PCDHGA10: variants seen among roughly 807,000 people sequenced by gnomAD.
PCDHGA10 encodes the protein protocadherin gamma-A10.
In PCDHGA10, 42 loss-of-function variants were observed where a neutral mutation model predicts 59.5. That is an observed-to-expected ratio of 0.71 (90% CI 0.55 to 0.91). The LOEUF is 0.91. Ranked by LOEUF, PCDHGA10 falls within the 40% of genes least tolerant of loss-of-function variation. The probability of loss-of-function intolerance (pLI) is 0.00; values close to 1 mark genes in which losing one functional copy is unlikely to be tolerated. For synonymous variants in PCDHGA10, 511 were observed against 517.2 expected (o/e 0.99, Z 0.16); for missense variants, 1,111 against 1,198.2 (o/e 0.93, Z 1.07).
Position 141,476,072 on chromosome 5 carries a change from C to A in PCDHGA10, c.2437-18735C>A. 1.3e-6 allele frequency: 2 copies of A among 1,523,462 alleles called. No individual in the cohort carries two copies. The highest frequency in any genetic ancestry group is 1.3e-5 in the South Asian group (1 of 77,998). 94.4% of individuals were successfully genotyped at this position (1,523,462 alleles called of 1,614,324 possible). The stretch of plus-strand genomic sequence containing the variant: ...CGCTGAAAGTTTCTCAGCGAAATCT[C>A]AGGGACGATCTGGACCCCGCTGAGA... On this transcript the variant is annotated intron_variant, in intron 1 of 3. Coordinates refer to ENST00000398610, the MANE Select transcript of PCDHGA10 (RefSeq NM_018913.3). The surrounding 1 kb of genome is among the most constrained non-coding windows in gnomAD (Gnocchi z 7.6).
At chr5:141,441,494 ACCAGG>A (rs1325946941) in intron 1 of PCDHGA10, 1 of 170,360 alleles carries the variant, frequency 5.9e-6, no homozygotes, top group Non-Finnish European at 1.3e-5. Flanking sequence ...CTGGTTTTCT[ACCAGG>A]CCTCCTACGT....
intron 1 of PCDHGA10, 132 bp downstream of exon 1, chr5:141,415,743 T>G (rs1317934891): frequency 9.6e-6 from 3 of 311,420 alleles, no homozygotes; most frequent in Non-Finnish European, 1.2e-5. Context: ...TATTAAGGTT[T>G]TTTTTTTTTT....
chr5:141,422,115 T>C, intron 1 of PCDHGA10: 1 of 1,605,004 alleles, frequency 6.2e-7, no homozygotes, highest in South Asian at 1.1e-5. Context: ...TCCAATTGGA[T>C]TCACAAACTG....
In PCDHGA10 at chr5:141,491,561, A is replaced by G. The variant is rs1289732955; in HGVS notation, c.2437-3246A>G. ...CCCACAGACTCGCAGAGCCACTGCT[A>G]CAGGACGTGCTTTTCACCGGCCTCG... On this transcript the variant is annotated intron_variant, in intron 1 of 3. Transcript: ENST00000398610. The surrounding 1 kb of genome is among the most constrained non-coding windows in gnomAD (Gnocchi z 6.9). The G allele has an allele frequency of 6.2e-7, 1 of 1,613,938 alleles. No homozygotes were observed. Among genetic ancestry groups the G allele is most frequent in the Non-Finnish European group, 8.5e-7 (1 of 1,180,018 alleles).
At chr5:141,445,963 A>G (rs2098483291) in intron 1 of PCDHGA10, among the ~76,000 whole-genome samples, 2 of 152,342 alleles carry the variant, frequency 1.3e-5, no homozygotes, top group South Asian at 2.1e-4. Flanking sequence ...TATATGGAGA[A>G]TTGATTTATG....
intron 1 of PCDHGA10, chr5:141,422,195 A>G: frequency 6.4e-7 from 1 of 1,562,278 alleles, no homozygotes; most frequent in African/African-American, 1.4e-5. Flanking sequence ...ATTCAAGGCC[A>G]AGATGGTGGA....
rs1225473275 is a variant in PCDHGA10 at position 141,512,442 on chromosome 5, TC to T, written c.*1271del. ...GGCCCCTGCCCTCCTGAAGCCTCAG[TC>T]CTTCACCTTGCCAGGTGCCGTTTCT... is the stretch of plus-strand genomic sequence containing the variant. On this transcript the variant is annotated 3_prime_UTR_variant, in exon 4 of 4. Transcript: ENST00000398610. 1 of 152,892 alleles carries T rather than the reference TC, an allele frequency of 6.5e-6. No individual in the cohort carries two copies. Among genetic ancestry groups the T allele is most frequent in the African/African-American group, 2.4e-5 (1 of 41,466 alleles). 9.5% of individuals were successfully genotyped at this position (152,892 alleles called of 1,614,324 possible).
intron 2 of PCDHGA10, 160 bp from the exon 3 acceptor site, chr5:141,505,233 C>T: frequency 1.1e-6 from 1 of 872,838 alleles, no homozygotes; most frequent in Non-Finnish European, 1.4e-6. Context: ...ATTCTGGCTT[C>T]TGAAGGATTG....
In PCDHGA10 at chr5:141,423,241, G is replaced by T. The variant is rs1485226833; in HGVS notation, c.2436+7630G>T. The T allele has an allele frequency of 6.8e-6, 11 of 1,613,836 alleles. No individual in the cohort carries two copies. The Admixed American group carries it at 1.5e-4, about 22-fold the overall frequency. On this transcript the variant is annotated intron_variant, in intron 1 of 3. Transcript: ENST00000398610. ...GGCTGTGGCCGACAGCATCCCCGAAGTCCTGGCGGACCTCGGCAGCCTCGA... is the reference window on the plus strand; with the variant it reads ...GGCTGTGGCCGACAGCATCCCCGAATTCCTGGCGGACCTCGGCAGCCTCGA...
At chr5:141,456,593 G>C (rs917316601) in intron 1 of PCDHGA10, among the ~76,000 whole-genome samples, 2 of 152,168 alleles carry the variant, frequency 1.3e-5, no homozygotes, top group African/African-American at 4.8e-5. Flanking sequence ...CAATAATTTT[G>C]ATTTGATTTT....
chr5:141,478,097 A>G lies in PCDHGA10; in HGVS notation c.2437-16710A>G, dbSNP rs757796085. Reference sequence around the variant, plus strand: ...GGAGCCTTCGCTCTCCACCACTGCTACCCTCACTGTGTCAGTAACCGAGGA... The same window carrying G: ...GGAGCCTTCGCTCTCCACCACTGCTGCCCTCACTGTGTCAGTAACCGAGGA... On this transcript the variant is annotated intron_variant, in intron 1 of 3. Transcript: ENST00000398610. 9.9e-6 allele frequency: 16 copies of G among 1,613,666 alleles called. No homozygotes were observed. Among genetic ancestry groups the G allele is most frequent in the Admixed American group, 1.7e-5 (1 of 59,970 alleles).
intron 1 of PCDHGA10, among the ~76,000 whole-genome samples, chr5:141,450,726 A>G (rs1302961852): frequency 2.0e-5 from 3 of 151,932 alleles, no homozygotes; most frequent in Admixed American, 2.0e-4. Flanking sequence ...ACCTCAGGTG[A>G]TCCGCCCGCC....
At chr5:141,422,872 C>T (rs773469060) in intron 1 of PCDHGA10, 19 of 1,614,134 alleles carry the variant, frequency 1.2e-5, no homozygotes, top group African/African-American at 2.7e-5. Flanking sequence ...CAACGTGTCG[C>T]TGAGCCTGTT....
chr5:141,417,550 A>G, intron 1 of PCDHGA10: 1 of 326,094 alleles, frequency 3.1e-6, no homozygotes, highest in Non-Finnish European at 5.5e-6. Flanking sequence ...ATTCCTTGAA[A>G]GAGGTAGAGA....
chr5:141,455,577 C>T (rs1000865176), intron 1 of PCDHGA10, among the ~76,000 whole-genome samples: 3 of 152,120 alleles, frequency 2.0e-5, no homozygotes, highest in East Asian at 1.9e-4. Context: ...CCCACCCCAG[C>T]CTTTTAATAT....
chr5:141,433,460 T>C (rs892333304), intron 1 of PCDHGA10, among the ~76,000 whole-genome samples: 1 of 152,064 alleles, frequency 6.6e-6, no homozygotes, highest in Non-Finnish European at 1.5e-5. Context: ...GATCTGAAAC[T>C]TGGGCTCAGG....
intron 1 of PCDHGA10, chr5:141,427,328 T>G (rs951396612): frequency 1.6e-4 from 74 of 457,122 alleles, no homozygotes; most frequent in Admixed American, 1.2e-3. Context: ...TGGTTTTTAC[T>G]TCAGTGTCCA....
intron 1 of PCDHGA10, among the ~76,000 whole-genome samples, chr5:141,455,204 T>G (rs1173402170): frequency 6.6e-6 from 1 of 152,052 alleles, no homozygotes; most frequent in Admixed American, 6.6e-5. Context: ...TTACAACCAA[T>G]AAGAGTTTTT....
At position 141,485,789 on chromosome 5, in the gene PCDHGA10, T is replaced by G. The variant is rs1276069810; in HGVS notation, c.2437-9018T>G. The G allele has an allele frequency of 1.2e-6, 2 of 1,613,978 alleles. No individual in the cohort carries two copies. The highest frequency in any genetic ancestry group is 1.7e-6 in the Non-Finnish European group (2 of 1,180,030). On this transcript the variant is annotated intron_variant, in intron 1 of 3. Coordinates refer to ENST00000398610, the MANE Select transcript of PCDHGA10 (RefSeq NM_018913.3). This position sits in a 1 kb window ranked among gnomAD's most constrained non-coding sequence, Gnocchi z 5.7. ...GAAGCCTTTGGATCGAGAGAAGCAATCGGACTACCGCCTGGTGCTGACTGC... is the reference window on the plus strand; with the variant it reads ...GAAGCCTTTGGATCGAGAGAAGCAAGCGGACTACCGCCTGGTGCTGACTGC...
Sources: allele counts gnomAD v4.1 joint callset (sites outside exome capture counted in the v4.1 genomes callset), GRCh38; gene constraint gnomAD v4.1.1; non-coding constraint Gnocchi (gnomAD v3.1); transcripts MANE v1.5; gene names NCBI Gene and HGNC (gene_info 2026-07-23, HGNC 2026-07-21).